The following SDK1 variants were observed in gnomAD, a reference collection of about 807,000 sequenced individuals.
The protein encoded by SDK1 is sidekick cell adhesion molecule 1, also known as protein sidekick-1.
In SDK1, 157 loss-of-function variants were observed where a neutral mutation model predicts 245.5. That is an observed-to-expected ratio of 0.64 (90% CI 0.56 to 0.73). SDK1 has a LOEUF of 0.73. Among genes scored for constraint, SDK1 ranks in the 30% least tolerant of loss-of-function variants. The probability of loss-of-function intolerance (pLI) is 0.00; values close to 1 mark genes in which losing one functional copy is unlikely to be tolerated. For missense variants in SDK1, 3,583 were observed against 3,002.3 expected (o/e 1.19, Z -4.52); for synonymous variants, 1,647 against 1,278.5 (o/e 1.29, Z -6.15).
intron 27 of SDK1, among the ~76,000 whole-genome samples, chr7:4,130,792 A>G (rs1047929365): frequency 6.6e-6 from 1 of 152,206 alleles, no homozygotes; most frequent in Non-Finnish European, 1.5e-5. Flanking sequence ...AACAGACTGT[A>G]ATGAATACAT....
At chr7:3,612,863 G>A (rs529961304) in intron 1 of SDK1, among the ~76,000 whole-genome samples, 13 of 152,178 alleles carry the variant, frequency 8.5e-5, no homozygotes, top group African/African-American at 1.9e-4. Context: ...ACAGCTCATC[G>A]TCACTTCACC....
chr7:3,682,890 C>T (rs190332983), intron 4 of SDK1, among the ~76,000 whole-genome samples: 1 of 152,166 alleles, frequency 6.6e-6, no homozygotes, highest in Non-Finnish European at 1.5e-5. Context: ...AGGGGCCTGC[C>T]ACCATGCTAA....
In SDK1 at chr7:3,619,143, G is replaced by T. The variant is rs775695734; in HGVS notation, c.362G>T (p.Arg121Leu). ...CCACAGATCCACCTGGAAGGGAACC[G>T]CCTTGTTCTCACCTGCCTTGCCGAA... ...GLPQIHLEGN[R>L]LVLTCLAEGS... The change falls in exon 2 of 45, where the codon CGC (arginine) becomes CTC (leucine). Residue 121 changes from arginine (R) to leucine (L), a missense_variant. Transcript: ENST00000404826. 6.2e-7 allele frequency: 1 copy of T among 1,613,246 alleles called. No individual in the cohort carries two copies. The highest frequency in any genetic ancestry group is 1.3e-5 in the African/African-American group (1 of 74,996).
intron 4 of SDK1, among the ~76,000 whole-genome samples, chr7:3,820,739 C>T (rs1456719446): frequency 1.3e-5 from 2 of 152,168 alleles, no homozygotes; most frequent in Non-Finnish European, 2.9e-5. Context: ...CTTCTGTGAG[C>T]CTCAGTGGCG....
At chr7:3,754,725 G>A (rs1275193122) in intron 4 of SDK1, among the ~76,000 whole-genome samples, 1 of 152,122 alleles carries the variant, frequency 6.6e-6, no homozygotes, top group Non-Finnish European at 1.5e-5. Flanking sequence ...GGTAACAATA[G>A]GCTGTGAATA....
chr7:3,906,708 A>C (rs1193624427), intron 5 of SDK1, among the ~76,000 whole-genome samples: 1 of 132,924 alleles, frequency 7.5e-6, no homozygotes, highest in African/African-American at 2.8e-5. Context: ...GCTCACTGCA[A>C]CCTCTGCCTC....
intron 28 of SDK1, among the ~76,000 whole-genome samples, chr7:4,143,681 G>A (rs542966542): frequency 4.4e-4 from 67 of 152,300 alleles, no homozygotes; most frequent in African/African-American, 1.2e-3. Flanking sequence ...CCGTGGTTCC[G>A]AGCAACGGGG....
intron 5 of SDK1, among the ~76,000 whole-genome samples, chr7:3,899,629 C>G (rs537178111): frequency 9.2e-5 from 14 of 152,332 alleles, no homozygotes; most frequent in African/African-American, 3.4e-4. Flanking sequence ...TCCTCCCTCC[C>G]AGGCCTGCTC....
chr7:3,535,747 A>G (rs934931525), intron 1 of SDK1, among the ~76,000 whole-genome samples: 2 of 152,180 alleles, frequency 1.3e-5, no homozygotes, highest in African/African-American at 4.8e-5. Flanking sequence ...GAAAATACAT[A>G]AATACATGTA....
At chr7:3,718,341 A>C (rs1048868654) in intron 4 of SDK1, among the ~76,000 whole-genome samples, 14 of 151,628 alleles carry the variant, frequency 9.2e-5, no homozygotes, top group African/African-American at 3.4e-4. Context: ...TCTCAAAAAA[A>C]TAATAAAAAT....
chr7:3,842,024 C>T (rs1468099746), intron 5 of SDK1, among the ~76,000 whole-genome samples: 1 of 152,224 alleles, frequency 6.6e-6, no homozygotes, highest in African/African-American at 2.4e-5. Context: ...GCTGTAGCCT[C>T]AGGGGTAAGG....
At chr7:3,320,146 C>A (rs1374380953) in intron 1 of SDK1, among the ~76,000 whole-genome samples, 1 of 151,972 alleles carries the variant, frequency 6.6e-6, no homozygotes. Context: ...GTTTCACACA[C>A]GCACTCCCCT....
At chr7:3,301,986 C>T (rs1779278618) in intron 1 of SDK1, 102 bp downstream of exon 1, 2 of 888,278 alleles carry the variant, frequency 2.3e-6, no homozygotes, top group African/African-American at 1.8e-5. Flanking sequence ...CTTCCCGGCC[C>T]GGGTCGGGAT....
chr7:4,220,936 A>G (rs1785119240), intron 39 of SDK1, among the ~76,000 whole-genome samples: 1 of 133,838 alleles, frequency 7.5e-6, no homozygotes, highest in Non-Finnish European at 1.6e-5. Flanking sequence ...GGTGCAAGCC[A>G]CCACACCTGG....
intron 1 of SDK1, among the ~76,000 whole-genome samples, chr7:3,466,116 A>G (rs1289687514): frequency 2.6e-5 from 4 of 151,878 alleles, no homozygotes; most frequent in Admixed American, 2.6e-4. Flanking sequence ...TACCATGTGG[A>G]GCAGGACTGC....
intron 17 of SDK1, among the ~76,000 whole-genome samples, chr7:4,045,805 G>A (rs955500466): frequency 6.6e-6 from 1 of 152,130 alleles, no homozygotes; most frequent in Non-Finnish European, 1.5e-5. Flanking sequence ...TCCCATCATG[G>A]TAAATGGGAT....
At chr7:3,575,056 C>T (rs545310637) in intron 1 of SDK1, among the ~76,000 whole-genome samples, 1 of 152,124 alleles carries the variant, frequency 6.6e-6, no homozygotes, top group East Asian at 1.9e-4. Context: ...GCCTCCTTTG[C>T]CTCTTACAAG....
At chr7:3,948,626 A>C (rs1780673657) in intron 5 of SDK1, among the ~76,000 whole-genome samples, 2 of 152,122 alleles carry the variant, frequency 1.3e-5, no homozygotes, top group Non-Finnish European at 2.9e-5. Flanking sequence ...CCTGTGGTGG[A>C]GCTGAACCCC....
rs1414698126 is a variant in SDK1 at position 3,301,306 on chromosome 7, C to G, written c.-281C>G. 6.8e-6 allele frequency: 1 copy of G among 146,920 alleles called. No individual in the cohort carries two copies. Among genetic ancestry groups the G allele is most frequent in the East Asian group, 2.0e-4 (1 of 4,930 alleles). The allele number at this position is 146,920 out of a possible 1,614,324, so 9.1% of individuals were successfully genotyped here. ...GGCGGCGGCGGCGGCTCCTCCGCGC[C>G]CGGCGGACCCCTCGGAGCTAGCGCG... is the stretch of plus-strand genomic sequence containing the variant. On this transcript the variant is annotated 5_prime_UTR_variant, in exon 1 of 45. Coordinates refer to ENST00000404826, the MANE Select transcript of SDK1 (RefSeq NM_152744.4).
Sources: gnomAD v4.1 joint callset for allele counts (sites outside exome capture counted in the v4.1 genomes callset) on GRCh38, gnomAD v4.1.1 for gene constraint, MANE v1.5 for transcripts, NCBI Gene and HGNC (gene_info 2026-07-23, HGNC 2026-07-21) for gene names.